Variants in INPP4B observed in about 807,000 individuals in gnomAD.
INPP4B encodes the protein inositol polyphosphate-4-phosphatase type II B.
INPP4B carries 55 observed loss-of-function variants against 122.5 expected under a neutral mutation model. The observed-to-expected ratio is 0.45, with a 90% CI of 0.36 to 0.56. The LOEUF (loss-of-function observed/expected upper bound fraction) is 0.56. Ranked by LOEUF, INPP4B falls within the 20% of genes least tolerant of loss-of-function variation. INPP4B has a pLI of 0.00. For missense variants in INPP4B, 1,000 were observed against 1,097.7 expected, an observed-to-expected ratio of 0.91 and a Z score of 1.26; for synonymous variants, 403 against 388.7, an observed-to-expected ratio of 1.04 and a Z score of -0.43.
At chr4:142,655,548 T>A (rs976261913) in intron 2 of INPP4B, among the ~76,000 whole-genome samples, 3 of 152,344 alleles carry the variant, frequency 2.0e-5, no homozygotes, top group South Asian at 2.1e-4. Flanking sequence ...TGAATTATAT[T>A]TTTTTAAAAA....
At chr4:142,304,963 C>G (rs1762791306) in intron 9 of INPP4B, among the ~76,000 whole-genome samples, 1 of 151,992 alleles carries the variant, frequency 6.6e-6, no homozygotes, top group Non-Finnish European at 1.5e-5. Context: ...GATCTATTGT[C>G]TGTGTCAAGA....
At chr4:142,592,407 T>C (rs1210291551) in intron 2 of INPP4B, among the ~76,000 whole-genome samples, 1 of 152,142 alleles carries the variant, frequency 6.6e-6, no homozygotes, top group African/African-American at 2.4e-5. Context: ...TTAAGGTAAA[T>C]GAAACAATTC....
intron 2 of INPP4B, among the ~76,000 whole-genome samples, chr4:142,594,751 C>T (rs536477734): frequency 1.3e-4 from 20 of 152,016 alleles, no homozygotes; most frequent in Non-Finnish European, 2.5e-4. Flanking sequence ...GTCAGGAGAT[C>T]GAGACCATCC....
chr4:142,196,594 G>C (rs1838312533), intron 14 of INPP4B, among the ~76,000 whole-genome samples: 1 of 151,950 alleles, frequency 6.6e-6, no homozygotes, highest in Non-Finnish European at 1.5e-5. Flanking sequence ...CTTTATCTTA[G>C]TGCTCACCTT....
intron 7 of INPP4B, among the ~76,000 whole-genome samples, chr4:142,332,317 G>C (rs940031415): frequency 6.6e-6 from 1 of 152,034 alleles, no homozygotes; most frequent in Admixed American, 6.5e-5. Flanking sequence ...TAAAACCAAA[G>C]GTGGAGGTAA....
chr4:142,095,447 G>A (rs112539026), intron 23 of INPP4B, among the ~76,000 whole-genome samples: 12 of 152,258 alleles, frequency 7.9e-5, no homozygotes, highest in African/African-American at 1.9e-4. Flanking sequence ...ACCTTTAATC[G>A]TTTTTCTGTT....
intron 7 of INPP4B, among the ~76,000 whole-genome samples, chr4:142,354,352 G>A (rs1172931773): frequency 6.6e-6 from 1 of 151,914 alleles, no homozygotes; most frequent in East Asian, 1.9e-4. Context: ...TTCAAACACA[G>A]GTTTGGATGA....
rs769489339 is a variant in INPP4B, at chr4:142,429,215, T to C, written c.94A>G (p.Ile32Val). The C allele has an allele frequency of 6.5e-7, 1 of 1,542,456 alleles. No homozygotes were observed. Among genetic ancestry groups the C allele is most frequent in the Admixed American group, 1.7e-5 (1 of 57,356 alleles). ...TGCGGTTCATTTGGAGTCTTCTGGA[T>C]ACCTATAAATAATAGGAGCAAATTC... ...NDPGDCQFTS[I>V]QKTPNEPQLE... The change falls in exon 5 of 26, where the codon ATC becomes GTC. Residue 32 changes from isoleucine to valine, a missense_variant and splice_region_variant. Physicochemically the swap from Ile to Val is conservative, Grantham distance 29. Transcript: ENST00000262992.
At chr4:142,093,559 A>G (rs993583579) in intron 23 of INPP4B, among the ~76,000 whole-genome samples, 1 of 152,198 alleles carries the variant, frequency 6.6e-6, no homozygotes, top group Non-Finnish European at 1.5e-5. Flanking sequence ...ATAGTCTGTA[A>G]CATCAAGTCT....
intron 7 of INPP4B, among the ~76,000 whole-genome samples, chr4:142,369,583 T>TA (rs1177259006): frequency 1.2e-4 from 12 of 102,540 alleles, no homozygotes; most frequent in East Asian, 2.6e-4. Context: ...TCTCGAAAAT[T>TA]AAAAAAATAA....
chr4:142,757,256 A>AT (rs1458117562), intron 1 of INPP4B, among the ~76,000 whole-genome samples: 2 of 152,226 alleles, frequency 1.3e-5, no homozygotes, highest in Non-Finnish European at 2.9e-5. Context: ...AAAGTGGTAT[A>AT]TTTTTTACAA....
intron 2 of INPP4B, among the ~76,000 whole-genome samples, chr4:142,562,375 A>G (rs887472226): frequency 3.3e-5 from 5 of 152,214 alleles, no homozygotes; most frequent in African/African-American, 1.2e-4. Flanking sequence ...TCATTACGAG[A>G]AGCTAAATCC....
chr4:142,564,509 G>C (rs976675203), intron 2 of INPP4B, among the ~76,000 whole-genome samples: 1 of 138,292 alleles, frequency 7.2e-6, no homozygotes, highest in African/African-American at 2.7e-5. Context: ...ATAAGAACCA[G>C]ACCATGGAAG....
chr4:142,493,676 T>C (rs1195685562), intron 2 of INPP4B, among the ~76,000 whole-genome samples: 1 of 152,172 alleles, frequency 6.6e-6, no homozygotes, highest in Non-Finnish European at 1.5e-5. Flanking sequence ...TGTAACTCCA[T>C]TTTATAGGAA....
At chr4:142,476,322 G>A (rs1203996524) in intron 2 of INPP4B, among the ~76,000 whole-genome samples, 1 of 152,078 alleles carries the variant, frequency 6.6e-6, no homozygotes, top group East Asian at 1.9e-4. Context: ...TGCCTTATAA[G>A]AGGTTCTTAA....
rs938004970 is a variant in INPP4B, at chr4:142,160,626, G to A, written c.1360-65C>T. 1.4e-5 allele frequency: 17 copies of A among 1,224,120 alleles called. No homozygotes were observed. The African/African-American group carries it at 2.4e-4, about 17-fold the overall frequency. The allele number at this position is 1,224,120 out of a possible 1,614,324, so 75.8% of individuals were successfully genotyped here. On this transcript the variant is annotated intron_variant, in intron 16 of 25. Transcript: ENST00000262992. ...GCATCTCAGCATAGAGCTGTGAAAAGGTCAATTGCAGATTTGTTGGTACTT... is the reference window on the plus strand; with the variant it reads ...GCATCTCAGCATAGAGCTGTGAAAAAGTCAATTGCAGATTTGTTGGTACTT...
At chr4:142,612,889 T>G (rs533478000) in intron 2 of INPP4B, among the ~76,000 whole-genome samples, 1 of 152,328 alleles carries the variant, frequency 6.6e-6, no homozygotes, top group South Asian at 2.1e-4. Flanking sequence ...GACTGTTAGC[T>G]CAATATGTTG....
chr4:142,478,097 G>T (rs1239368649), intron 2 of INPP4B, among the ~76,000 whole-genome samples: 1 of 152,114 alleles, frequency 6.6e-6, no homozygotes, highest in African/African-American at 2.4e-5. Flanking sequence ...ACTGCACCTG[G>T]CCAATTCTAC....
chr4:142,325,513 A>C (rs2151467766), intron 7 of INPP4B, among the ~76,000 whole-genome samples: 1 of 152,324 alleles, frequency 6.6e-6, no homozygotes, highest in African/African-American at 2.4e-5. Context: ...TTTACTCACT[A>C]AATGCGATCA....
Sources: gnomAD v4.1 joint callset for allele counts (sites outside exome capture counted in the v4.1 genomes callset) on GRCh38, gnomAD v4.1.1 for gene constraint, MANE v1.5 for transcripts, NCBI Gene and HGNC (gene_info 2026-07-23, HGNC 2026-07-21) for gene names.